NLGN4Y: variants seen among roughly 807,000 people sequenced by gnomAD.
NLGN4Y encodes the protein neuroligin 4 Y-linked.
NLGN4Y carries 4 observed loss-of-function variants against 8.4 expected under a neutral mutation model. That is an observed-to-expected ratio of 0.48 (90% CI 0.23 to 1.09). NLGN4Y has a LOEUF of 1.09. NLGN4Y is among the 50% of genes least tolerant of loss of function. The probability of loss-of-function intolerance (pLI) is 0.19; values close to 1 mark genes in which losing one functional copy is unlikely to be tolerated. For synonymous variants in NLGN4Y, 35 were observed against 75.6 expected, an observed-to-expected ratio of 0.46 and a Z score of 2.78; for missense variants, 90 against 192.3, an observed-to-expected ratio of 0.47 and a Z score of 3.15.
At chrY:14,758,039 T>C (rs752628080) in intron 4 of NLGN4Y, among the ~76,000 whole-genome samples, 1 of 34,798 alleles carries the variant, frequency 2.9e-5, no homozygotes, top group South Asian at 6.2e-4. Context: ...ATTTGATCTT[T>C]ATTTTTTCAT....
intron 2 of NLGN4Y, among the ~76,000 whole-genome samples, chrY:14,689,619 G>A: frequency 3.1e-5 from 1 of 32,635 alleles, no homozygotes; most frequent in African/African-American, 1.2e-4. Context: ...ATGGGTAAAT[G>A]GGTTGGTGGT....
rs369779507 is a variant in NLGN4Y at position 14,844,107 on chromosome Y, G to A, written c.*2845G>A. 7 of 103,797 alleles carry A rather than the reference G, an allele frequency of 6.7e-5. No individual in the cohort carries two copies. The African/African-American group carries it at 7.1e-4, about 11-fold the overall frequency. The allele number at this position is 103,797 out of a possible 400,897, so 25.9% of individuals were successfully genotyped here. On this transcript the variant is annotated 3_prime_UTR_variant, in exon 7 of 7. Transcript: ENST00000684976. ...GGATAAATACATTTGGTAATGGGAT[G>A]GTTTCTTTAGCTTTGGCCAGCTGCA...
intron 2 of NLGN4Y, among the ~76,000 whole-genome samples, chrY:14,716,859 T>C (rs2080917199): frequency 2.9e-5 from 1 of 34,109 alleles, no homozygotes; most frequent in Non-Finnish European, 7.3e-5. Context: ...ACAAATTATT[T>C]TTTAATTGGC....
chrY:14,523,047 C>G, upstream of NLGN4Y: 2 of 33,056 alleles, frequency 6.1e-5, no homozygotes, highest in African/African-American at 2.4e-4. Flanking sequence ...GAGGGAAAGC[C>G]TCACTGGCGA....
chrY:14,826,474 G>A, intron 5 of NLGN4Y, among the ~76,000 whole-genome samples: 1 of 30,808 alleles, frequency 3.2e-5, no homozygotes, highest in African/African-American at 1.3e-4. Context: ...CCAAGTAGCT[G>A]GGCTTACAGG....
chrY:14,765,746 T>G (rs2081092063), intron 4 of NLGN4Y, among the ~76,000 whole-genome samples: 1 of 33,616 alleles, frequency 3.0e-5, no homozygotes, highest in African/African-American at 1.1e-4. Flanking sequence ...TGTTCAAAGT[T>G]TGAACTGACT....
At chrY:14,686,726 T>C (rs958921674) in intron 2 of NLGN4Y, among the ~76,000 whole-genome samples, 12 of 32,576 alleles carry the variant, frequency 3.7e-4, no homozygotes, top group South Asian at 7.0e-4. Flanking sequence ...CTTCATCACA[T>C]GAAATATTGT....
Position 14,570,970 on chromosome Y carries a change from G to A in NLGN4Y, c.-112+46262G>A, listed in dbSNP as rs776770021. Among the ~76,000 whole-genome samples the A allele has an allele frequency of 2.1e-4, 7 of 32,662 alleles. No homozygotes were observed. The East Asian group carries it at 5.6e-3, about 26-fold the overall frequency. 87.6% of individuals were successfully genotyped at this position (32,662 alleles called of 37,273 possible). A position where few individuals can be genotyped will look rare whatever the true frequency, so the allele number is the denominator to read the frequency against. On this transcript the variant is annotated intron_variant, in intron 1 of 6. Coordinates refer to ENST00000684976, the MANE Select transcript of NLGN4Y (RefSeq NM_001365588.1). ...GCATAGTATTCAGGGGTGTATATGC[G>A]CCACATTTTCTTAATCCAGTCTATC...
chrY:14,651,263 C>T, intron 2 of NLGN4Y, among the ~76,000 whole-genome samples: 1 of 32,975 alleles, frequency 3.0e-5, no homozygotes, highest in Admixed American at 2.8e-4. Context: ...TCAAAGTGTG[C>T]AACATTCTTC....
At chrY:14,817,437 G>A (rs2043106436) in intron 4 of NLGN4Y, among the ~76,000 whole-genome samples, 1 of 33,579 alleles carries the variant, frequency 3.0e-5, no homozygotes, top group African/African-American at 1.2e-4. Context: ...AGCCAGTATG[G>A]GCTGCATTTA....
Position 14,843,649 on chromosome Y carries a change from A to G in NLGN4Y, c.*2387A>G, listed in dbSNP as rs928755190. The G allele has an allele frequency of 5.0e-5, 6 of 119,955 alleles. No homozygotes were observed. Among genetic ancestry groups the G allele is most frequent in the Non-Finnish European group, 1.1e-4 (6 of 55,908 alleles). 29.9% of individuals were successfully genotyped at this position (119,955 alleles called of 400,897 possible). A position where few individuals can be genotyped will look rare whatever the true frequency, so the allele number is the denominator to read the frequency against. ...TTAAAAGTGATTTAGTACATCTTAC[A>G]TGATATCTCATTTCTACGTGAAAAG... On this transcript the variant is annotated 3_prime_UTR_variant, in exon 7 of 7. Coordinates refer to ENST00000684976, the MANE Select transcript of NLGN4Y (RefSeq NM_001365588.1).
At chrY:14,673,282 G>A (rs2080730018) in intron 2 of NLGN4Y, among the ~76,000 whole-genome samples, 1 of 29,223 alleles carries the variant, frequency 3.4e-5, no homozygotes, top group South Asian at 8.3e-4. Context: ...CTACTCATCT[G>A]ACAAAGGGCT....
chrY:14,572,918 G>C, intron 1 of NLGN4Y, among the ~76,000 whole-genome samples: 1 of 33,516 alleles, frequency 3.0e-5, no homozygotes, highest in African/African-American at 1.2e-4. Context: ...TGTGCATGTT[G>C]AATCAGCCTT....
At chrY:14,598,330 G>A in intron 1 of NLGN4Y, among the ~76,000 whole-genome samples, 1 of 34,264 alleles carries the variant, frequency 2.9e-5, no homozygotes, top group Non-Finnish European at 7.4e-5. Context: ...TGCAGGTCCC[G>A]AGCCCTGCCC....
intron 4 of NLGN4Y, among the ~76,000 whole-genome samples, chrY:14,797,808 C>T: frequency 3.0e-5 from 1 of 33,494 alleles, no homozygotes; most frequent in African/African-American, 1.2e-4. Context: ...GTAGATAGTT[C>T]CTAGAATTTA....
chrY:14,812,823 G>A, intron 4 of NLGN4Y, among the ~76,000 whole-genome samples: 1 of 33,094 alleles, frequency 3.0e-5, no homozygotes, highest in South Asian at 6.9e-4. Flanking sequence ...GGTTTCTGGT[G>A]TCTGAAAACT....
chrY:14,748,654 C>T (rs1239385168), intron 4 of NLGN4Y: 3 of 182,794 alleles, frequency 1.6e-5, no homozygotes, highest in South Asian at 1.1e-4. Context: ...CTGCAAGCAT[C>T]GTTGTCAGCT....
At chrY:14,724,718 C>T (rs2080949754) in intron 4 of NLGN4Y, among the ~76,000 whole-genome samples, 1 of 32,533 alleles carries the variant, frequency 3.1e-5, no homozygotes, top group South Asian at 7.2e-4. Flanking sequence ...TGGCTCACTG[C>T]AACCTCTGCC....
In NLGN4Y at chrY:14,840,957, A is replaced by C; in HGVS notation, c.2206A>C (p.Asn736His). 1 of 396,660 alleles carries C rather than the reference A, an allele frequency of 2.5e-6. No individual in the cohort carries two copies. The highest frequency in any genetic ancestry group is 3.5e-6 in the Non-Finnish European group (1 of 283,265). ...TCACAGGCACCCCAGTCCCCAGAGA[A>C]ACACCACAAATGATATCACTCACAT... ...ETHRHPSPQRNTTNDITHIQN... is the reference protein window; with the variant it reads ...ETHRHPSPQRHTTNDITHIQN... The change falls in exon 7 of 7, where the codon AAC becomes CAC. Residue 736 changes from asparagine (N) to histidine (H), a missense_variant. By Grantham distance (68) the Asn-to-His change is moderately conservative (BLOSUM62 1). This residue lies in a region of NLGN4Y where 37 missense variants were observed against 94.0 expected (regional missense o/e 0.39). Transcript: ENST00000684976.
Sources: gnomAD v4.1 joint callset for allele counts (sites outside exome capture counted in the v4.1 genomes callset) on GRCh38, gnomAD v4.1.1 for gene constraint, gnomAD v4.1.1 regional missense constraint, MANE v1.5 for transcripts, NCBI Gene and HGNC (gene_info 2026-07-23, HGNC 2026-07-21) for gene names.